PEAK1: variants seen among roughly 807,000 people sequenced by gnomAD.
PEAK1 encodes the protein inactive tyrosine-protein kinase PEAK1.
Under a neutral mutation model 124.7 loss-of-function variants are expected in PEAK1, and 54 were observed. The ratio of observed to expected loss-of-function variants is 0.43; its 90% CI spans 0.35 to 0.54. The LOEUF is 0.54. Among genes scored for constraint, PEAK1 ranks in the 20% least tolerant of loss-of-function variants. The pLI is 0.01. For synonymous variants in PEAK1, 719 were observed against 760.0 expected, an observed-to-expected ratio of 0.95 and a Z score of 0.89; for missense variants, 2,046 against 2,134.5, an observed-to-expected ratio of 0.96 and a Z score of 0.82.
intron 6 of PEAK1, among the ~76,000 whole-genome samples, chr15:77,243,185 T>A (rs1354090739): frequency 6.6e-6 from 1 of 152,240 alleles, no homozygotes; most frequent in Non-Finnish European, 1.5e-5. Context: ...GCCAGTGTAT[T>A]GCTAGATTCT....
At chr15:77,175,421 C>A (rs2152811115) in intron 7 of PEAK1, among the ~76,000 whole-genome samples, 1 of 151,446 alleles carries the variant, frequency 6.6e-6, no homozygotes, top group African/African-American at 2.4e-5. Flanking sequence ...AAACAAACAA[C>A]CCCATCAAAA....
rs1470790904 is a variant in PEAK1 at position 77,333,168 on chromosome 15, AG to A, written c.-603+31994del. 10 of 939,558 alleles carry A rather than the reference AG, an allele frequency of 1.1e-5. No homozygotes were observed. The East Asian group carries it at 1.2e-3, about 110-fold the overall frequency. 58.2% of individuals were successfully genotyped at this position (939,558 alleles called of 1,614,324 possible). On this transcript the variant is annotated intron_variant, in intron 2 of 9. Transcript: ENST00000682557. ...TTTATTTATTTATTTATTTATTTAT[AG>A]CAAAGAGGTCTCACTTTATTGCTCA...
chr15:77,413,945 T>G (rs980918532), intron 1 of PEAK1, among the ~76,000 whole-genome samples: 2 of 152,028 alleles, frequency 1.3e-5, no homozygotes, highest in Non-Finnish European at 2.9e-5. Context: ...GACCTCAGCC[T>G]CCTAAGTAGC....
intron 2 of PEAK1, chr15:77,351,759 G>C: frequency 1.0e-6 from 1 of 985,440 alleles, no homozygotes; most frequent in African/African-American, 1.7e-5. Flanking sequence ...TTCTCCAACA[G>C]GCCATGTTAA....
intron 2 of PEAK1, among the ~76,000 whole-genome samples, chr15:77,320,247 T>A (rs2065115769): frequency 6.6e-6 from 1 of 152,112 alleles, no homozygotes. Context: ...AGAAATCACT[T>A]GGTACAGAAT....
intron 6 of PEAK1, among the ~76,000 whole-genome samples, chr15:77,210,868 C>T (rs992805365): frequency 2.0e-5 from 3 of 152,048 alleles, no homozygotes; most frequent in South Asian, 2.1e-4. Context: ...GTGCTCAGGG[C>T]GACAGAGCAA....
intron 6 of PEAK1, among the ~76,000 whole-genome samples, chr15:77,205,274 TTAA>T (rs1392011580): frequency 6.8e-6 from 1 of 148,114 alleles, no homozygotes. Context: ...ATGCCTTTTT[TTAA>T]AAAAAAAAAA....
chr15:77,359,179 T>C (rs2067722388), intron 2 of PEAK1, among the ~76,000 whole-genome samples: 1 of 152,124 alleles, frequency 6.6e-6, no homozygotes, highest in African/African-American at 2.4e-5. Flanking sequence ...GGCTCACATG[T>C]ATAATCCCAG....
intron 6 of PEAK1, among the ~76,000 whole-genome samples, chr15:77,206,447 T>G: frequency 6.8e-6 from 1 of 146,682 alleles, no homozygotes; most frequent in Non-Finnish European, 1.5e-5. Context: ...CCACCAACAG[T>G]GTAAAAGTGT....
chr15:77,239,519 T>C (rs1439262464), intron 6 of PEAK1, among the ~76,000 whole-genome samples: 8 of 152,172 alleles, frequency 5.3e-5, no homozygotes. Flanking sequence ...CTAGAGATAA[T>C]ATAAGAAGAG....
intron 6 of PEAK1, among the ~76,000 whole-genome samples, chr15:77,243,867 C>T (rs2060461767): frequency 6.6e-6 from 1 of 152,074 alleles, no homozygotes; most frequent in Admixed American, 6.6e-5. Flanking sequence ...ACTCGGGAGG[C>T]TGAGGCAGGA....
intron 1 of PEAK1, among the ~76,000 whole-genome samples, chr15:77,392,320 C>T (rs1430158146): frequency 6.6e-6 from 1 of 152,104 alleles, no homozygotes; most frequent in Non-Finnish European, 1.5e-5. Context: ...TAGATCATAA[C>T]TTAGATAATG....
intron 6 of PEAK1, among the ~76,000 whole-genome samples, chr15:77,215,969 C>T (rs1446574802): frequency 6.6e-6 from 1 of 152,074 alleles, no homozygotes; most frequent in Non-Finnish European, 1.5e-5. Context: ...TACAGCTTTA[C>T]AGTAAATCTT....
chr15:77,129,691 C>T (rs1183879820), intron 9 of PEAK1, among the ~76,000 whole-genome samples: 2 of 150,426 alleles, frequency 1.3e-5, no homozygotes, highest in Admixed American at 1.3e-4. Context: ...GGTGATCCAT[C>T]TGCCTCAGCC....
At chr15:77,320,742 G>T (rs570656218) in intron 2 of PEAK1, among the ~76,000 whole-genome samples, 6 of 152,080 alleles carry the variant, frequency 3.9e-5, no homozygotes, top group Admixed American at 2.0e-4. Flanking sequence ...CATGTGCCAT[G>T]TTGGTGTGCT....
At chr15:77,343,339 T>C (rs1052318194) in intron 2 of PEAK1, among the ~76,000 whole-genome samples, 6 of 152,174 alleles carry the variant, frequency 3.9e-5, no homozygotes, top group African/African-American at 7.2e-5. Context: ...GTTATAGGAA[T>C]TTTTTTATAT....
chr15:77,139,436 T>C (rs995473161), intron 8 of PEAK1, among the ~76,000 whole-genome samples: 8 of 152,228 alleles, frequency 5.3e-5, no homozygotes, highest in Non-Finnish European at 8.8e-5. Context: ...GTATGTGCTA[T>C]ACTTTTATGA....
intron 7 of PEAK1, among the ~76,000 whole-genome samples, chr15:77,163,157 CACAG>C (rs2055810080): frequency 6.6e-6 from 1 of 152,190 alleles, no homozygotes; most frequent in Admixed American, 6.5e-5. Context: ...CTTCTGCTTT[CACAG>C]ACAGACAACA....
intron 1 of PEAK1, among the ~76,000 whole-genome samples, chr15:77,408,402 G>C (rs1158683746): frequency 6.6e-6 from 1 of 151,730 alleles, no homozygotes; most frequent in Non-Finnish European, 1.5e-5. Flanking sequence ...AAGGGTGGGA[G>C]GGGGGTGAGG....
Sources: allele counts gnomAD v4.1 joint callset (sites outside exome capture counted in the v4.1 genomes callset), GRCh38; gene constraint gnomAD v4.1.1; transcripts MANE v1.5; gene names NCBI Gene and HGNC (gene_info 2026-07-23, HGNC 2026-07-21).